The following SEMA6D variants were observed in gnomAD, a reference collection of about 807,000 sequenced individuals.
SEMA6D encodes the protein semaphorin 6D.
Under a neutral mutation model 106.6 loss-of-function variants are expected in SEMA6D, and 35 were observed. The ratio of observed to expected loss-of-function variants is 0.33; its 90% CI spans 0.25 to 0.44. The LOEUF (loss-of-function observed/expected upper bound fraction) is 0.44. Among genes scored for constraint, SEMA6D ranks in the 20% least tolerant of loss-of-function variants. The probability of loss-of-function intolerance (pLI) is 1.00; values close to 1 mark genes in which losing one functional copy is unlikely to be tolerated. For missense variants in SEMA6D, 1,185 were observed against 1,345.9 expected (o/e 0.88, Z 1.87); for synonymous variants, 499 against 487.7 (o/e 1.02, Z -0.31).
At chr15:47,278,762 C>G (rs1595615116) in intron 1 of SEMA6D, among the ~76,000 whole-genome samples, 2 of 150,134 alleles carry the variant, frequency 1.3e-5, no homozygotes, top group African/African-American at 4.9e-5. Context: ...ACGTTTAAGT[C>G]TTTAATCCAT....
At chr15:47,309,358 G>T (rs2036355228) in intron 1 of SEMA6D, among the ~76,000 whole-genome samples, 1 of 152,110 alleles carries the variant, frequency 6.6e-6, no homozygotes, top group Non-Finnish European at 1.5e-5. Context: ...TTGTATCCTT[G>T]CTGTGGACAT....
chr15:47,561,118 A>G (rs886762803), intron 3 of SEMA6D, among the ~76,000 whole-genome samples: 3 of 152,142 alleles, frequency 2.0e-5, no homozygotes, highest in Admixed American at 6.6e-5. Flanking sequence ...TTTAATTTAA[A>G]AGTTATTAAC....
chr15:47,470,703 G>T (rs1020809822), intron 3 of SEMA6D, among the ~76,000 whole-genome samples: 2 of 152,108 alleles, frequency 1.3e-5, no homozygotes, highest in South Asian at 4.1e-4. Context: ...TGACTAAGTG[G>T]TCAGGTTGGG....
In SEMA6D at chr15:47,584,524, A is replaced by G. The variant is rs145906919; in HGVS notation, c.-86-16341A>G. ...CTGCCTGATTTATTCAGCCCCTGGC[A>G]TAGCATCTCATGCAAATAGCCATTT... On this transcript the variant is annotated intron_variant, in intron 3 of 19. Coordinates refer to the SEMA6D transcript ENST00000558014. Among the ~76,000 whole-genome samples, 1,319 of 152,296 alleles carry G rather than the reference A, an allele frequency of 8.7e-3. 8 individuals are homozygous for G. Among genetic ancestry groups the G allele is most frequent in the Admixed American group, 0.021 (315 of 15,302 alleles).
chr15:47,253,875 C>T (rs1313182661), intron 1 of SEMA6D, among the ~76,000 whole-genome samples: 1 of 152,042 alleles, frequency 6.6e-6, no homozygotes, highest in African/African-American at 2.4e-5. Flanking sequence ...AGTGTTTTTC[C>T]CATATCTGTA....
At chr15:47,740,526 AAAACAAAC>A (rs1194005378) in intron 1 of SEMA6D, among the ~76,000 whole-genome samples, 1 of 152,110 alleles carries the variant, frequency 6.6e-6, no homozygotes, top group East Asian at 1.9e-4. Flanking sequence ...CTCAAAAAAC[AAAACAAAC>A]AAACAAAAAA....
chr15:47,768,725 A>G lies in SEMA6D; in HGVS notation c.1910A>G (p.Asp637Gly). 4.3e-6 allele frequency: 7 copies of G among 1,613,266 alleles called. No homozygotes were observed. Among genetic ancestry groups the G allele is most frequent in the Non-Finnish European group, 5.9e-6 (7 of 1,179,472 alleles). ...GATCCAAACACTTCTGATTTTACTG[A>G]TCCTTTATCGGGTATCCCAAAGGGT... ...QDDPNTSDFTDPLSGIPKGVR... is the reference protein window; with the variant it reads ...QDDPNTSDFTGPLSGIPKGVR... The change falls in exon 18 of 19, where the codon GAT (aspartate) becomes GGT (glycine). Residue 637 changes from aspartate (D) to glycine (G), a missense_variant. This residue lies in a region of SEMA6D where 750 missense variants were observed against 783.5 expected (regional missense o/e 0.96). Transcript: ENST00000536845.
In SEMA6D at chr15:47,766,173, C is replaced by T. The variant is rs2082326683; in HGVS notation, c.1637C>T (p.Pro546Leu). Reference sequence around the variant, plus strand: ...CAGGGATCCTGTGGTAGAGTGACCCCAGGGATGCTGTAAGTATACTTTGTC... The same window carrying T: ...CAGGGATCCTGTGGTAGAGTGACCCTAGGGATGCTGTAAGTATACTTTGTC... The part of the protein sequence containing the change: ...LSQGSCGRVT[P>L]GMLAEGYEQD... Residue 546 changes from proline to leucine, a missense_variant, in exon 15 of 19, where the codon CCA becomes CTA. Pro to Leu is a moderately conservative substitution (Grantham distance 98, BLOSUM62 -3). Coordinates refer to ENST00000536845, the MANE Select transcript of SEMA6D (RefSeq NM_001358351.3). 1.2e-6 allele frequency: 2 copies of T among 1,612,826 alleles called. No individual in the cohort carries two copies. Among genetic ancestry groups the T allele is most frequent in the Admixed American group, 1.7e-5 (1 of 59,966 alleles).
chr15:47,335,853 C>T (rs1603505), intron 1 of SEMA6D, among the ~76,000 whole-genome samples: 22,769 of 152,064 alleles, frequency 0.15, 2,254 homozygotes, highest in African/African-American at 0.26. Flanking sequence ...GGGGTTAAGA[C>T]GGAGCTCTTA....
intron 4 of SEMA6D, among the ~76,000 whole-genome samples, chr15:47,687,959 T>A (rs2078504719): frequency 6.6e-6 from 1 of 152,146 alleles, no homozygotes. Flanking sequence ...ATAGCTCATG[T>A]TCCTGTGCGC....
chr15:47,539,731 A>C (rs1452650014), intron 3 of SEMA6D, among the ~76,000 whole-genome samples: 2 of 152,182 alleles, frequency 1.3e-5, no homozygotes, highest in Non-Finnish European at 2.9e-5. Flanking sequence ...ACAGGAGCAA[A>C]GAAAGGAACT....
At chr15:47,577,760 C>G (rs548939789) in intron 3 of SEMA6D, among the ~76,000 whole-genome samples, 2 of 152,302 alleles carry the variant, frequency 1.3e-5, no homozygotes, top group East Asian at 1.9e-4. Context: ...GCTGGCTTCT[C>G]TTGAAGTCAG....
At chr15:47,620,350 C>T (rs1161369529) in intron 4 of SEMA6D, among the ~76,000 whole-genome samples, 1 of 152,230 alleles carries the variant, frequency 6.6e-6, no homozygotes, top group African/African-American at 2.4e-5. Context: ...AGGCTCCTCA[C>T]ACCCTCTGGA....
In SEMA6D at chr15:47,427,471, A is replaced by G. The variant is rs539250908; in HGVS notation, c.-159+14999A>G. Among the ~76,000 whole-genome samples, 72 of 152,314 alleles carry G rather than the reference A, an allele frequency of 4.7e-4. No individual in the cohort carries two copies. The South Asian group carries it at 0.015, about 31-fold the overall frequency. ...TCCTTTTCATTCTGTCACATTTTAT[A>G]ACAGCCCATGGAATTATGATTCAGT... On this transcript the variant is annotated intron_variant, in intron 2 of 19. Coordinates refer to the SEMA6D transcript ENST00000558014.
Position 47,679,364 on chromosome 15 carries a change from A to C in SEMA6D, c.-55+78468A>C, listed in dbSNP as rs568926195. ...GACTAAGTAGTGATAATTACTCTGA[A>C]ATCCAACAACATGATATAGTTTTCC... On this transcript the variant is annotated intron_variant, in intron 4 of 19. Coordinates refer to the SEMA6D transcript ENST00000558014. Among the ~76,000 whole-genome samples, 4 of 152,332 alleles carry C rather than the reference A, an allele frequency of 2.6e-5. No homozygotes were observed. The East Asian group carries it at 7.7e-4, about 29-fold the overall frequency.
chr15:47,550,092 A>G (rs1235218606), intron 3 of SEMA6D, among the ~76,000 whole-genome samples: 2 of 152,224 alleles, frequency 1.3e-5, no homozygotes, highest in East Asian at 3.8e-4. Flanking sequence ...ATGGTGCTTT[A>G]TAACCTTTCA....
chr15:47,244,011 A>G (rs888965768), intron 1 of SEMA6D, among the ~76,000 whole-genome samples: 23 of 152,278 alleles, frequency 1.5e-4, no homozygotes, highest in African/African-American at 5.5e-4. Context: ...TCAGGTAGTG[A>G]TAAGTGGTAT....
chr15:47,230,234 C>A (rs923524281), intron 1 of SEMA6D, among the ~76,000 whole-genome samples: 2 of 151,936 alleles, frequency 1.3e-5, no homozygotes, highest in Non-Finnish European at 2.9e-5. Context: ...CCTGTGTAAT[C>A]CTCACACTCT....
intron 2 of SEMA6D, among the ~76,000 whole-genome samples, chr15:47,421,774 A>T (rs1347732076): frequency 6.6e-6 from 1 of 152,054 alleles, no homozygotes; most frequent in Non-Finnish European, 1.5e-5. Flanking sequence ...GAAGGGAAAG[A>T]TGAGATGATG....
Sources: gnomAD v4.1 joint callset for allele counts (sites outside exome capture counted in the v4.1 genomes callset) on GRCh38, gnomAD v4.1.1 for gene constraint, gnomAD v4.1.1 regional missense constraint, MANE v1.5 for transcripts, NCBI Gene and HGNC (gene_info 2026-07-23, HGNC 2026-07-21) for gene names.